C16orf96: variants seen among roughly 807,000 people sequenced by gnomAD.
C16orf96 encodes chromosome 16 open reading frame 96, also known as uncharacterized protein C16orf96.
Under a neutral mutation model 103.6 loss-of-function variants are expected in C16orf96, and 108 were observed. That is an observed-to-expected ratio of 1.04 (90% CI 0.89 to 1.22). The LOEUF is 1.22. C16orf96 is among the 50% of genes most tolerant of loss of function. The pLI, the probability that C16orf96 is intolerant of heterozygous loss-of-function variation, is 0.00. For synonymous variants in C16orf96, 566 were observed against 593.5 expected, an observed-to-expected ratio of 0.95 and a Z score of 0.67; for missense variants, 1,586 against 1,464.2, an observed-to-expected ratio of 1.08 and a Z score of -1.36.
intron 15 of C16orf96, 65 bp from the exon 16 acceptor site, chr16:4,600,035 A>G: frequency 7.0e-7 from 1 of 1,430,832 alleles, no homozygotes; most frequent in Non-Finnish European, 9.6e-7. Flanking sequence ...GGATGGCCCC[A>G]TCAGGCTAGT....
At position 4,600,223 on chromosome 16, in the gene C16orf96, C is replaced by A; in HGVS notation, c.3332C>A (p.Pro1111His). ...LPPLIPSLRD[P>H]QQAPGSTRLS... ...CCGCTGATTCCATCCCTAAGGGACC[C>A]CCAGCAGGCCCCAGGGTCCACCAGG... Residue 1111 changes from proline to histidine, a missense_variant, in exon 16 of 16, where the codon CCC becomes CAC. By Grantham distance (77) the Pro-to-His change is moderately conservative. Transcript: ENST00000444310. The A allele has an allele frequency of 6.4e-7, 1 of 1,551,612 alleles. No homozygotes were observed. Among genetic ancestry groups the A allele is most frequent in the Non-Finnish European group, 8.7e-7 (1 of 1,146,958 alleles).
chr16:4,574,900 G>T, intron 3 of C16orf96, 72 bp from the exon 4 acceptor site: 7 of 1,524,108 alleles, frequency 4.6e-6, no homozygotes, highest in Non-Finnish European at 6.2e-6. Context: ...GCCTGGAAAG[G>T]TTTCTTTGCA....
chr16:4,552,431 G>A (rs1479520501), upstream of C16orf96, among the ~76,000 whole-genome samples: 1 of 147,140 alleles, frequency 6.8e-6, no homozygotes, highest in Non-Finnish European at 1.5e-5. Flanking sequence ...GCGGTGAGCC[G>A]AGATCGCGCC....
chr16:4,550,215 G>A, the C16orf96 span, among the ~76,000 whole-genome samples: 22 of 151,786 alleles, frequency 1.4e-4, no homozygotes, highest in Middle Eastern at 3.2e-3. Context: ...CTCCCAAGTA[G>A]CTAGGATTAC....
At chr16:4,585,511 C>T (rs1325559346) in intron 7 of C16orf96, among the ~76,000 whole-genome samples, 1 of 152,138 alleles carries the variant, frequency 6.6e-6, no homozygotes, top group East Asian at 1.9e-4. Flanking sequence ...AACAGAGACT[C>T]AGCAAAGAAA....
At chr16:4,551,936 C>T (rs1294334183), upstream of C16orf96, among the ~76,000 whole-genome samples, 2 of 152,064 alleles carry the variant, frequency 1.3e-5, no homozygotes. Context: ...CGACAGGCCC[C>T]GGTGTGTGAC....
intron 5 of C16orf96, among the ~76,000 whole-genome samples, chr16:4,577,880 C>G (rs1330420302): frequency 6.6e-6 from 1 of 152,142 alleles, no homozygotes; most frequent in Non-Finnish European, 1.5e-5. Context: ...CACTTTGAAC[C>G]CGGGAGGCAG....
intron 1 of C16orf96, among the ~76,000 whole-genome samples, chr16:4,561,813 G>T (rs912239667): frequency 6.6e-6 from 1 of 152,044 alleles, no homozygotes; most frequent in East Asian, 1.9e-4. Flanking sequence ...CTGCCGGGGG[G>T]TCGCCTGGCA....
the C16orf96 span, among the ~76,000 whole-genome samples, chr16:4,546,102 C>A: frequency 6.6e-6 from 1 of 151,890 alleles, no homozygotes; most frequent in African/African-American, 2.4e-5. Flanking sequence ...CCCACCCTGG[C>A]CTCCCAAAGT....
At chr16:4,572,393 G>A (rs1269072) in intron 2 of C16orf96, among the ~76,000 whole-genome samples, 140,053 of 147,848 alleles carry the variant, frequency 0.95, 66,808 homozygotes, top group East Asian at 1. Flanking sequence ...TCCACCTCCC[G>A]GGTTCACGCC....
intron 2 of C16orf96, among the ~76,000 whole-genome samples, chr16:4,572,695 C>G (rs2059453541): frequency 6.6e-6 from 1 of 152,134 alleles, no homozygotes; most frequent in Admixed American, 6.6e-5. Flanking sequence ...TATATTCCAC[C>G]AACCTAGCAA....
chr16:4,576,162 T>G lies in C16orf96; in HGVS notation c.1682T>G (p.Leu561Arg). The stretch of plus-strand genomic sequence containing the variant: ...CAGCCTAAGGCTCCCCAGTCTGCCC[T>G]TCACCGGCTGAAAACCACCGCTGCC... ...EAQPKAPQSA[L>R]HRLKTTAAIA... The change falls in exon 5 of 16, where the codon CTT (leucine) becomes CGT (arginine). Residue 561 changes from leucine (L) to arginine (R), a missense_variant. Leu to Arg is a moderately radical substitution (Grantham distance 102). Transcript: ENST00000444310. 1 of 1,551,130 alleles carries G rather than the reference T, an allele frequency of 6.4e-7. No homozygotes were observed. The highest frequency in any genetic ancestry group is 8.7e-7 in the Non-Finnish European group (1 of 1,146,988).
chr16:4,568,159 G>A (rs2059401490), intron 1 of C16orf96, among the ~76,000 whole-genome samples: 1 of 151,476 alleles, frequency 6.6e-6, no homozygotes. Context: ...CCTGCCTCAA[G>A]CTCCCAAAGT....
chr16:4,542,795 CA>C, the C16orf96 span, among the ~76,000 whole-genome samples: 23 of 145,574 alleles, frequency 1.6e-4, no homozygotes, highest in East Asian at 4.0e-4. Flanking sequence ...AACTTTGTCT[CA>C]AAAAAAAAAA....
chr16:4,567,275 CTTTTCT>C, intron 1 of C16orf96, among the ~76,000 whole-genome samples: 1 of 124,924 alleles, frequency 8.0e-6, no homozygotes. Flanking sequence ...TGACATATTT[CTTTTCT>C]TTTTTTTTTT....
intron 1 of C16orf96, 33 bp downstream of exon 1, chr16:4,556,942 T>C (rs2059271279): frequency 2.0e-6 from 3 of 1,508,276 alleles, no homozygotes; most frequent in Non-Finnish European, 2.7e-6. Context: ...CTTCTTTTCC[T>C]CCCTTCACCA....
chr16:4,585,095 T>C (rs2141743776), intron 7 of C16orf96, among the ~76,000 whole-genome samples: 1 of 152,156 alleles, frequency 6.6e-6, no homozygotes, highest in African/African-American at 2.4e-5. Flanking sequence ...TGCAGTGAGC[T>C]GAGCTCGCAC....
chr16:4,585,290 A>C (rs1187285672), intron 7 of C16orf96, among the ~76,000 whole-genome samples: 2 of 111,720 alleles, frequency 1.8e-5, no homozygotes, highest in South Asian at 3.7e-4. Context: ...CCCTGTCTCT[A>C]CAAAAAAAAA....
chr16:4,547,649 T>TTTCCTTCC, the C16orf96 span, among the ~76,000 whole-genome samples: 13,345 of 115,220 alleles, frequency 0.12, 1,923 homozygotes, highest in Middle Eastern at 0.2. Context: ...TCTTTCTTTC[T>TTTCCTTCC]TTCCTTCCTT....
Sources: allele counts gnomAD v4.1 joint callset (sites outside exome capture counted in the v4.1 genomes callset), GRCh38; gene constraint gnomAD v4.1.1; transcripts MANE v1.5; gene names NCBI Gene and HGNC (gene_info 2026-07-23, HGNC 2026-07-21).